Variants in ATP11C observed in about 807,000 individuals in gnomAD.
The protein encoded by ATP11C is ATPase phospholipid transporting 11C (ATP11C blood group).
Under a neutral mutation model 97.4 loss-of-function variants are expected in ATP11C, and 36 were observed. The ratio of observed to expected loss-of-function variants is 0.37; its 90% CI spans 0.28 to 0.49. ATP11C has a LOEUF of 0.49. Ranked by LOEUF, ATP11C falls within the 20% of genes least tolerant of loss-of-function variation. ATP11C has a pLI of 0.98. For missense variants in ATP11C, 730 were observed against 824.6 expected, an observed-to-expected ratio of 0.89 and a Z score of 1.40; for synonymous variants, 275 against 290.9, an observed-to-expected ratio of 0.95 and a Z score of 0.56.
chrX:139,816,853 A>G lies in ATP11C; in HGVS notation c.318+10T>C. The stretch of plus-strand genomic sequence containing the variant: ...TGAAATGCAGGTGCAAGTGTAAATA[A>G]GAAATTTACCTGCTTGATGGCTGTA... On this transcript the variant is annotated intron_variant, in intron 4 of 29. Transcript: ENST00000682941. 1.7e-6 allele frequency: 2 copies of G among 1,169,443 alleles called. No individual in the cohort carries two copies. Among genetic ancestry groups the G allele is most frequent in the Non-Finnish European group, 2.3e-6 (2 of 861,436 alleles).
intron 1 of ATP11C, among the ~76,000 whole-genome samples, chrX:139,843,384 A>C (rs765805949): frequency 2.7e-5 from 3 of 112,105 alleles, no homozygotes; most frequent in Non-Finnish European, 5.6e-5. Flanking sequence ...TCAGAGTATC[A>C]TTTAGAGTCA....
intron 1 of ATP11C, among the ~76,000 whole-genome samples, chrX:139,879,656 T>C (rs1312374066): frequency 8.9e-6 from 1 of 112,063 alleles, no homozygotes; most frequent in African/African-American, 3.2e-5. Context: ...TATATGTATA[T>C]CAAATCATCA....
intron 18 of ATP11C, among the ~76,000 whole-genome samples, chrX:139,779,151 C>T (rs942094254): frequency 3.6e-5 from 4 of 111,375 alleles, no homozygotes; most frequent in Non-Finnish European, 7.5e-5. Context: ...GATTTTAAGA[C>T]CCCAATGATA....
At chrX:139,764,132 C>A (rs1170248267) in intron 20 of ATP11C, among the ~76,000 whole-genome samples, 1 of 111,956 alleles carries the variant, frequency 8.9e-6, no homozygotes, top group African/African-American at 3.3e-5. Flanking sequence ...CTGACACTCT[C>A]ACCTTCCCTA....
At position 139,797,240 on chromosome X, in the gene ATP11C, C is replaced by T. The variant is rs774013567; in HGVS notation, c.944G>A (p.Ser315Asn). The part of the protein sequence containing the change: ...VCTTLKYVWQ[S>N]TPYNDEPWYN... Reference sequence around the variant, plus strand: ...CCAAGGTTCATCATTGTATGGGGTACTTTGCCAAACATACTTTAGAGTAGT... The same window carrying T: ...CCAAGGTTCATCATTGTATGGGGTATTTTGCCAAACATACTTTAGAGTAGT... Residue 315 changes from serine to asparagine, a missense_variant, in exon 11 of 30, where the codon AGT becomes AAT. Coordinates refer to ENST00000682941, the MANE Select transcript of ATP11C (RefSeq NM_001353812.2). 3.3e-6 allele frequency: 4 copies of T among 1,199,400 alleles called. No individual in the cohort carries two copies. In the African/African-American group the frequency reaches 7.0e-5, roughly 21 times the overall value.
chrX:139,784,156 A>G (rs2082524204), intron 16 of ATP11C, among the ~76,000 whole-genome samples: 1 of 112,399 alleles, frequency 8.9e-6, no homozygotes, highest in Non-Finnish European at 1.9e-5. Flanking sequence ...CAAATTAAAA[A>G]GTGTAGCTCT....
chrX:139,834,728 T>C lies in ATP11C; in HGVS notation c.28-7905A>G, dbSNP rs1327345651. 1.6e-4 allele frequency among the ~76,000 whole-genome samples: 18 copies of C among 111,820 alleles called. No individual in the cohort carries two copies. In the East Asian group the frequency reaches 5.1e-3, roughly 31 times the overall value. ...ACTAGGAATGCCACAGTAAGATAAA[T>C]GGCAAGAATATCAGGACACCACACT... On this transcript the variant is annotated intron_variant, in intron 1 of 29. Coordinates refer to ENST00000682941, the MANE Select transcript of ATP11C (RefSeq NM_001353812.2).
intron 19 of ATP11C, among the ~76,000 whole-genome samples, chrX:139,774,080 G>C (rs1280902082): frequency 8.9e-6 from 1 of 112,378 alleles, no homozygotes. Flanking sequence ...AATTGGTTTA[G>C]ACAAAGCTCA....
chrX:139,826,315 A>T (rs1198528110), intron 2 of ATP11C, among the ~76,000 whole-genome samples: 1 of 110,035 alleles, frequency 9.1e-6, no homozygotes, highest in East Asian at 2.9e-4. Flanking sequence ...CCAGGACAGC[A>T]TTCTCCAAAA....
intron 1 of ATP11C, among the ~76,000 whole-genome samples, chrX:139,842,580 G>A (rs1235251498): frequency 8.9e-6 from 1 of 112,587 alleles, no homozygotes; most frequent in African/African-American, 3.2e-5. Flanking sequence ...GGACATAAGT[G>A]AAGGAAGTAT....
At chrX:139,735,749 C>T (rs1292383967) in intron 28 of ATP11C, among the ~76,000 whole-genome samples, 4 of 109,780 alleles carry the variant, frequency 3.6e-5, no homozygotes, top group Non-Finnish European at 7.6e-5. Flanking sequence ...TATTGCACTA[C>T]TTTGCTCTTG....
At position 139,727,457 on chromosome X, in the gene ATP11C, T is replaced by G. The variant is rs138009273; in HGVS notation, c.*1509A>C. ...AAATGAAATAATGAAAAAGGGTCTATAATGATGGAATGGCTTCTGATAACT... is the reference window on the plus strand; with the variant it reads ...AAATGAAATAATGAAAAAGGGTCTAGAATGATGGAATGGCTTCTGATAACT... On this transcript the variant is annotated 3_prime_UTR_variant, in exon 30 of 30. Coordinates refer to ENST00000682941, the MANE Select transcript of ATP11C (RefSeq NM_001353812.2). The G allele has an allele frequency of 0.012, 1,341 of 111,727 alleles. 11 individuals are homozygous for G. The highest frequency in any genetic ancestry group is 0.028 in the South Asian group (74 of 2,643). 9.2% of individuals were successfully genotyped at this position (111,727 alleles called of 1,213,427 possible).
chrX:139,860,332 T>C (rs950869253), intron 1 of ATP11C, among the ~76,000 whole-genome samples: 17 of 111,134 alleles, frequency 1.5e-4, no homozygotes, highest in Admixed American at 6.7e-4. Flanking sequence ...CCAATCTAAT[T>C]TACCATTTGA....
At chrX:139,823,950 C>CA (rs1426820173) in intron 2 of ATP11C, among the ~76,000 whole-genome samples, 1 of 108,708 alleles carries the variant, frequency 9.2e-6, no homozygotes, top group Non-Finnish European at 1.9e-5. Context: ...ATAAGGAACT[C>CA]AAACAGTAAG....
chrX:139,903,249 A>T (rs973942682), intron 1 of ATP11C, among the ~76,000 whole-genome samples: 2 of 111,856 alleles, frequency 1.8e-5, no homozygotes, highest in African/African-American at 6.5e-5. Context: ...TTCCTGGCTC[A>T]TAACTTCCAT....
chrX:139,796,320 C>T lies in ATP11C; in HGVS notation c.1159G>A (p.Glu387Lys), dbSNP rs753082643. The T allele has an allele frequency of 8.3e-7, 1 of 1,207,942 alleles. No individual in the cohort carries two copies. Among genetic ancestry groups the T allele is most frequent in the Admixed American group, 2.2e-5 (1 of 45,680 alleles). Reference sequence around the variant, plus strand: ...TCTGATGTGTTAACCAGGGCTCCTTCATTAATTTCTTCATCATAAAAGTCC... The same window carrying T: ...TCTGATGTGTTAACCAGGGCTCCTTTATTAATTTCTTCATCATAAAAGTCC... ...DKDFYDEEIN[E>K]GALVNTSDLN... is the part of the protein sequence containing the mutation. Residue 387 changes from glutamate (E) to lysine (K), a missense_variant, in exon 12 of 30, where the codon GAA (glutamate) becomes AAA (lysine). Transcript: ENST00000682941.
intron 1 of ATP11C, among the ~76,000 whole-genome samples, chrX:139,881,673 TG>T (rs2084563980): frequency 8.9e-6 from 1 of 112,130 alleles, no homozygotes; most frequent in South Asian, 3.7e-4. Flanking sequence ...TAAATACATA[TG>T]AGCCATTAGC....
chrX:139,829,849 T>TA (rs762537847), intron 1 of ATP11C, among the ~76,000 whole-genome samples: 16 of 109,873 alleles, frequency 1.5e-4, no homozygotes, highest in East Asian at 2.8e-4. Context: ...CTGAATGCTG[T>TA]AAAAAAAAAT....
chrX:139,765,442 G>T (rs753890366), intron 20 of ATP11C, among the ~76,000 whole-genome samples: 2 of 111,817 alleles, frequency 1.8e-5, no homozygotes, highest in Non-Finnish European at 3.8e-5. Flanking sequence ...ATCTGTGCAG[G>T]AATGTATGAT....
Sources: gnomAD v4.1 joint callset for allele counts (sites outside exome capture counted in the v4.1 genomes callset) on GRCh38, gnomAD v4.1.1 for gene constraint, MANE v1.5 for transcripts, NCBI Gene and HGNC (gene_info 2026-07-23, HGNC 2026-07-21) for gene names.